The following CRISP1 variants were observed in gnomAD, a reference collection of about 807,000 sequenced individuals.
CRISP1 encodes cysteine-rich secretory protein 1.
CRISP1 carries 44 observed loss-of-function variants against 33.1 expected under a neutral mutation model. That is an observed-to-expected ratio of 1.33 (90% CI 1.05 to 1.71). The LOEUF is 1.71. Among genes scored for constraint, CRISP1 ranks in the 40% most tolerant of loss-of-function variants. The pLI, the probability that CRISP1 is intolerant of heterozygous loss-of-function variation, is 0.00. For missense variants in CRISP1, 390 were observed against 301.2 expected (o/e 1.29, Z -2.18); for synonymous variants, 103 against 98.7 (o/e 1.04, Z -0.26).
intron 1 of CRISP1, among the ~76,000 whole-genome samples, chr6:49,858,920 A>G (rs1771568501): frequency 6.6e-6 from 1 of 152,146 alleles, no homozygotes; most frequent in East Asian, 1.9e-4. Context: ...ACCATCTAGT[A>G]TTCAACAGAT....
At chr6:49,851,912 G>A (rs1250623688) in intron 3 of CRISP1, 89 bp downstream of exon 3, 6 of 1,425,882 alleles carry the variant, frequency 4.2e-6, no homozygotes, top group Non-Finnish European at 5.6e-6. Flanking sequence ...AAAACTTTTA[G>A]CACTTTGAAA....
intron 1 of CRISP1, among the ~76,000 whole-genome samples, chr6:49,865,605 C>T (rs1009555908): frequency 6.6e-6 from 1 of 152,044 alleles, no homozygotes; most frequent in African/African-American, 2.4e-5. Context: ...GTATATATTA[C>T]TAAAGGTAAG....
chr6:49,843,323 T>C (rs1023190401), intron 5 of CRISP1, among the ~76,000 whole-genome samples: 35 of 152,210 alleles, frequency 2.3e-4, no homozygotes, highest in African/African-American at 8.2e-4. Flanking sequence ...TTTACTAGTG[T>C]TTTATTTAGG....
chr6:49,842,237 T>C (rs924052552), intron 5 of CRISP1, among the ~76,000 whole-genome samples: 1 of 152,180 alleles, frequency 6.6e-6, no homozygotes, highest in African/African-American at 2.4e-5. Flanking sequence ...AGGTTCTTAC[T>C]AACATTTTCT....
intron 3 of CRISP1, among the ~76,000 whole-genome samples, chr6:49,850,742 G>A (rs74933962): frequency 0.046 from 7,022 of 152,072 alleles, 246 homozygotes; most frequent in Non-Finnish European, 0.069. Flanking sequence ...TATTTTTCCA[G>A]TGTTTTTTCT....
intron 1 of CRISP1, among the ~76,000 whole-genome samples, chr6:49,876,099 G>A (rs571660422): frequency 6.6e-6 from 1 of 151,864 alleles, no homozygotes; most frequent in Non-Finnish European, 1.5e-5. Context: ...TATCATCAGA[G>A]TGAATAGTCT....
intron 2 of CRISP1, among the ~76,000 whole-genome samples, chr6:49,857,058 T>G (rs143467881): frequency 6.6e-6 from 1 of 152,190 alleles, no homozygotes; most frequent in African/African-American, 2.4e-5. Context: ...GAAATAGATA[T>G]GGACCCACAG....
rs114414641 is a variant in CRISP1, at chr6:49,842,608, G to C, written c.436-1613C>G. Among the ~76,000 whole-genome samples the C allele has an allele frequency of 4.8e-3, 724 of 152,286 alleles. 4 individuals are homozygous for C. The highest frequency in any genetic ancestry group is 0.014 in the African/African-American group (569 of 41,568). On this transcript the variant is annotated intron_variant, in intron 5 of 7. Transcript: ENST00000335847. ...GGTATATTCCCCCACTGGGCCTGCT[G>C]TCATGGGCTTACTCACCTTCGCATT...
At chr6:49,870,908 C>T (rs1313640490), upstream of CRISP1, among the ~76,000 whole-genome samples, 5 of 151,932 alleles carry the variant, frequency 3.3e-5, no homozygotes, top group African/African-American at 1.2e-4. Flanking sequence ...ACCAGCCTGG[C>T]CAATCAATGT....
In CRISP1 at chr6:49,834,672, T is replaced by C. The variant is rs1365099786; in HGVS notation, c.*644A>G. The C allele has an allele frequency of 2.0e-5, 3 of 152,210 alleles. No individual in the cohort carries two copies. Among genetic ancestry groups the C allele is most frequent in the Non-Finnish European group, 4.4e-5 (3 of 68,032 alleles). 9.4% of individuals were successfully genotyped at this position (152,210 alleles called of 1,614,324 possible). A position where few individuals can be genotyped will look rare whatever the true frequency, so the allele number is the denominator to read the frequency against. On this transcript the variant is annotated 3_prime_UTR_variant, in exon 8 of 8. Transcript: ENST00000335847. ...ATGAAATGAAACTATATTCCTTCCA[T>C]ATATATAAACATGCATCTTGTATGC...
rs768814191 is a variant in CRISP1 at position 49,852,004 on chromosome 6, C to T, written c.192G>A (p.Lys64=). Residue 64 remains lysine, a synonymous_variant, in exon 3 of 8, where the codon AAG becomes AAA. Transcript: ENST00000335847. ...RVVPPASNML[K]MSWSEEAAQN... ...TGTTGCTATTTTTTGATCTTACCAT[C>T]TTCAGCATGTTGCTGGCTGGTGGAA... 1 of 1,607,084 alleles carries T rather than the reference C, an allele frequency of 6.2e-7. No individual in the cohort carries two copies. The highest frequency in any genetic ancestry group is 1.1e-5 in the South Asian group (1 of 89,086).
chr6:49,860,407 T>A (rs1424786754), intron 1 of CRISP1, among the ~76,000 whole-genome samples: 1 of 152,120 alleles, frequency 6.6e-6, no homozygotes, highest in Non-Finnish European at 1.5e-5. Flanking sequence ...AAAATTGAAA[T>A]GATGTCAAGT....
intron 1 of CRISP1, among the ~76,000 whole-genome samples, chr6:49,858,182 A>G (rs1190552466): frequency 6.6e-6 from 1 of 152,184 alleles, no homozygotes. Flanking sequence ...ATATCTGATC[A>G]CTTTGCTAAG....
At chr6:49,863,959 T>A (rs1008236456) in intron 1 of CRISP1, among the ~76,000 whole-genome samples, 1 of 152,192 alleles carries the variant, frequency 6.6e-6, no homozygotes, top group Non-Finnish European at 1.5e-5. Context: ...AGTGTATAGT[T>A]TGATTGATTT....
rs749526645 is a variant in CRISP1, at chr6:49,838,476, A to G, written c.583T>C (p.Cys195Arg). 1 of 1,613,570 alleles carries G rather than the reference A, an allele frequency of 6.2e-7. No individual in the cohort carries two copies. Among genetic ancestry groups the G allele is most frequent in the Non-Finnish European group, 8.5e-7 (1 of 1,179,770 alleles). ...KNEPYKTGVP[C>R]EACPSNCEDK... ...TCACAGTTACTTGGGCAGGCTTCAC[A>G]TGGGACGCCTGTCTTATAAGGTTCA... is the stretch of plus-strand genomic sequence containing the variant. Residue 195 changes from cysteine to arginine, a missense_variant, in exon 7 of 8, where the codon TGT becomes CGT. Physicochemically the swap from Cys to Arg is radical, Grantham distance 180. Transcript: ENST00000335847.
chr6:49,847,305 A>G (rs923777650), intron 4 of CRISP1, among the ~76,000 whole-genome samples: 1 of 152,266 alleles, frequency 6.6e-6, no homozygotes. Context: ...TCCCCTCCAA[A>G]TCTCATGTTG....
chr6:49,867,861 A>G (rs182328926), upstream of CRISP1, among the ~76,000 whole-genome samples: 44 of 152,300 alleles, frequency 2.9e-4, no homozygotes, highest in African/African-American at 1.0e-3. Flanking sequence ...CTTCCAAATT[A>G]TTGAGCAACT....
chr6:49,873,441 C>A (rs1771969634), intron 1 of CRISP1, among the ~76,000 whole-genome samples: 4 of 151,984 alleles, frequency 2.6e-5, no homozygotes, highest in Non-Finnish European at 1.5e-5. Flanking sequence ...TTAGTTTACA[C>A]TTTGGCAGCC....
intron 1 of CRISP1, among the ~76,000 whole-genome samples, chr6:49,873,303 G>A (rs1259908898): frequency 6.6e-6 from 1 of 152,014 alleles, no homozygotes; most frequent in Non-Finnish European, 1.5e-5. Flanking sequence ...AAGGAGTTAG[G>A]CAAAGAAACT....
Sources: gnomAD v4.1 joint callset for allele counts (sites outside exome capture counted in the v4.1 genomes callset) on GRCh38, gnomAD v4.1.1 for gene constraint, MANE v1.5 for transcripts, NCBI Gene and HGNC (gene_info 2026-07-23, HGNC 2026-07-21) for gene names.